The following SHROOM3 variants were observed in gnomAD, a reference collection of about 807,000 sequenced individuals.
SHROOM3 encodes the protein protein Shroom3.
Under a neutral mutation model 138.6 loss-of-function variants are expected in SHROOM3, and 47 were observed. The ratio of observed to expected loss-of-function variants is 0.34; its 90% CI spans 0.27 to 0.43. The LOEUF (loss-of-function observed/expected upper bound fraction) is 0.43, where lower values mean the gene tolerates loss of function less well. Among genes scored for constraint, SHROOM3 ranks in the 20% least tolerant of loss-of-function variants. SHROOM3 has a pLI of 1.00. For synonymous variants in SHROOM3, 1,062 were observed against 1,063.3 expected, an observed-to-expected ratio of 1.00 and a Z score of 0.02; for missense variants, 2,491 against 2,596.5, an observed-to-expected ratio of 0.96 and a Z score of 0.88.
At chr4:76,742,044 T>A (rs1721276864) in intron 5 of SHROOM3, 118 bp downstream of exon 5, 1 of 1,320,708 alleles carries the variant, frequency 7.6e-7, no homozygotes, top group East Asian at 2.5e-5. Context: ...TCCTTGTGAT[T>A]ACAGAAAAGT....
intron 10 of SHROOM3, among the ~76,000 whole-genome samples, chr4:76,775,752 C>T (rs1722536764): frequency 6.6e-6 from 1 of 151,032 alleles, no homozygotes. Flanking sequence ...TATATATATA[C>T]ACACACCATA....
intron 4 of SHROOM3, among the ~76,000 whole-genome samples, chr4:76,737,261 CTCT>C (rs1721099539): frequency 1.4e-5 from 2 of 147,718 alleles, no homozygotes; most frequent in Admixed American, 1.3e-4. Flanking sequence ...GGCTTGACAG[CTCT>C]TTTTTTTTTT....
In SHROOM3 at chr4:76,693,366, G is replaced by GTTTT. The variant is rs1429298697; in HGVS notation, c.324-16787_324-16786insTTTT. The stretch of plus-strand genomic sequence containing the variant: ...ACTATGCATACCTTCATTTTGATAA[G>GTTTT]TTTGTTTTTTTTTTTTTTTTTTTTT... On this transcript the variant is annotated intron_variant, in intron 2 of 10. Transcript: ENST00000296043. Among the ~76,000 whole-genome samples the GTTTT allele has an allele frequency of 6.5e-4, 39 of 60,084 alleles. 2 individuals carry two copies. Among genetic ancestry groups the GTTTT allele is most frequent in the African/African-American group, 2.4e-3 (34 of 14,078 alleles). The allele number at this position is 60,084 out of a possible 152,430, so 39.4% of individuals were successfully genotyped here.
At chr4:76,777,771 T>C (rs1262287328) in intron 10 of SHROOM3, among the ~76,000 whole-genome samples, 2 of 152,198 alleles carry the variant, frequency 1.3e-5, no homozygotes, top group Non-Finnish European at 2.9e-5. Flanking sequence ...TCTGAATGGT[T>C]AAATATAATT....
At chr4:76,438,375 A>G (rs1579153105) in intron 1 of SHROOM3, among the ~76,000 whole-genome samples, 1 of 152,220 alleles carries the variant, frequency 6.6e-6, no homozygotes, top group Admixed American at 6.5e-5. Flanking sequence ...CAAGGATCCA[A>G]TCTGGTCCAA....
intron 1 of SHROOM3, among the ~76,000 whole-genome samples, chr4:76,543,103 T>G (rs931048905): frequency 6.6e-6 from 1 of 152,204 alleles, no homozygotes; most frequent in African/African-American, 2.4e-5. Flanking sequence ...TCACATTCAT[T>G]CTGTCTGGTC....
At position 76,741,820 on chromosome 4, in the gene SHROOM3, C is replaced by T; in HGVS notation, c.3647C>T (p.Ala1216Val). Reference protein sequence around the residue: ...PREPSSWGARAGKSMSAEDLL... With the variant: ...PREPSSWGARVGKSMSAEDLL... ...GAGCCATCCTCCTGGGGGGCCAGGG[C>T]CGGGAAGTCCATGTCGGCCGAGGAC... Residue 1216 changes from alanine (A) to valine (V), a missense_variant, in exon 5 of 11, where the codon GCC becomes GTC. By Grantham distance (64) the Ala-to-Val change is moderately conservative (BLOSUM62 0). Around this residue, in one of 4 missense-constraint regions of SHROOM3, gnomAD observed 1,733 missense variants for 1,661.6 expected, o/e 1.04. Transcript: ENST00000296043. This position sits in a 1 kb window ranked among gnomAD's most constrained non-coding sequence, Gnocchi z 6.2. 2.5e-6 allele frequency: 4 copies of T among 1,591,808 alleles called. No individual in the cohort carries two copies. The highest frequency in any genetic ancestry group is 3.4e-6 in the Non-Finnish European group (4 of 1,169,840).
chr4:76,735,416 C>A (rs1721007385), intron 4 of SHROOM3, among the ~76,000 whole-genome samples: 1 of 151,974 alleles, frequency 6.6e-6, no homozygotes. Flanking sequence ...AGGGAAAATA[C>A]CTAACAGAGG....
At chr4:76,612,885 A>T (rs934702241) in intron 2 of SHROOM3, among the ~76,000 whole-genome samples, 1 of 152,158 alleles carries the variant, frequency 6.6e-6, no homozygotes, top group Non-Finnish European at 1.5e-5. Context: ...GTTTGCAGTG[A>T]GCTATATGAT....
chr4:76,753,750 A>G (rs1437748289), intron 6 of SHROOM3, among the ~76,000 whole-genome samples: 1 of 152,204 alleles, frequency 6.6e-6, no homozygotes, highest in Admixed American at 6.5e-5. Context: ...TCCTTAGGTG[A>G]GACTCTCCCC....
chr4:76,681,850 G>A (rs1719210928), intron 2 of SHROOM3, among the ~76,000 whole-genome samples: 1 of 152,140 alleles, frequency 6.6e-6, no homozygotes, highest in South Asian at 2.1e-4. Context: ...CAGCCCAGGT[G>A]TACCACACAG....
chr4:76,589,822 T>C (rs1466113317), intron 2 of SHROOM3, among the ~76,000 whole-genome samples: 1 of 152,250 alleles, frequency 6.6e-6, no homozygotes, highest in African/African-American at 2.4e-5. Flanking sequence ...CTGATACTTA[T>C]GCATTTATTT....
intron 1 of SHROOM3, among the ~76,000 whole-genome samples, chr4:76,467,829 G>A (rs1347848849): frequency 1.3e-5 from 2 of 152,204 alleles, no homozygotes; most frequent in Non-Finnish European, 2.9e-5. Context: ...GGGCTTGAGG[G>A]AAGTTAGTAC....
Position 76,741,702 on chromosome 4 carries a change from G to GGCC in SHROOM3, c.3536_3538dup (p.Arg1179dup). 1 of 1,552,606 alleles carries GGCC rather than the reference G, an allele frequency of 6.4e-7. No homozygotes were observed. On this transcript the variant is annotated inframe_insertion, in exon 5 of 11. Transcript: ENST00000296043. The surrounding 1 kb of genome is among the most constrained non-coding windows in gnomAD (Gnocchi z 6.2). Reference sequence around the variant, plus strand: ...AGATCGCAGCAGCTCCTTCGCCGGTGGCCGCCGCCTCGGGGAACGGCGACG... The same window carrying GGCC: ...AGATCGCAGCAGCTCCTTCGCCGGTGGCCGCCGCCGCCTCGGGGAACGGCGACG...
At chr4:76,472,585 G>C (rs1460344426) in intron 1 of SHROOM3, among the ~76,000 whole-genome samples, 1 of 152,030 alleles carries the variant, frequency 6.6e-6, no homozygotes, top group Admixed American at 6.6e-5. Context: ...TGGTGTATAT[G>C]TTATAGTCAC....
chr4:76,675,673 C>CTGGTCTTG lies in SHROOM3; in HGVS notation c.324-34483_324-34482insTGGTCTTG, dbSNP rs1719009711. Among the ~76,000 whole-genome samples the CTGGTCTTG allele has an allele frequency of 2.6e-5, 4 of 152,300 alleles. No homozygotes were observed. In the South Asian group the frequency reaches 6.2e-4, roughly 24 times the overall value. Reference sequence around the variant, plus strand: ...AGGAATTCAAGACCAGCCTAGGCAACATAGAGGCCCCATTTTTATAAAAAA... The same window carrying CTGGTCTTG: ...AGGAATTCAAGACCAGCCTAGGCAACTGGTCTTGATAGAGGCCCCATTTTTATAAAAAA... On this transcript the variant is annotated intron_variant, in intron 2 of 10. Coordinates refer to ENST00000296043, the MANE Select transcript of SHROOM3 (RefSeq NM_020859.4).
At chr4:76,688,299 G>T (rs1719397822) in intron 2 of SHROOM3, 1 of 733,288 alleles carries the variant, frequency 1.4e-6, no homozygotes, top group Non-Finnish European at 1.7e-6. Context: ...CAGTAAAGAG[G>T]TTTATTCAGT....
At chr4:76,656,241 C>T (rs1387859313) in intron 2 of SHROOM3, among the ~76,000 whole-genome samples, 1 of 152,158 alleles carries the variant, frequency 6.6e-6, no homozygotes, top group Admixed American at 6.5e-5. Context: ...CTTGACTTTC[C>T]ATCCCATAGT....
At chr4:76,549,380 T>A (rs561630741) in intron 1 of SHROOM3, among the ~76,000 whole-genome samples, 192 of 152,188 alleles carry the variant, frequency 1.3e-3, no homozygotes, top group South Asian at 2.1e-3. Context: ...CTTTCCTTTT[T>A]TTTTTTGAGA....
Sources: gnomAD v4.1 joint callset for allele counts (sites outside exome capture counted in the v4.1 genomes callset) on GRCh38, gnomAD v4.1.1 for gene constraint, gnomAD v4.1.1 regional missense constraint, Gnocchi (gnomAD v3.1) non-coding constraint, MANE v1.5 for transcripts, NCBI Gene and HGNC (gene_info 2026-07-23, HGNC 2026-07-21) for gene names.